The following PLCH2 variants were observed in gnomAD, a reference collection of about 807,000 sequenced individuals.
PLCH2 encodes the protein 1-phosphatidylinositol 4,5-bisphosphate phosphodiesterase eta-2.
A neutral mutation model predicts 134.7 loss-of-function variants in PLCH2; 98 were observed. That is an observed-to-expected ratio of 0.73 (90% CI 0.62 to 0.86). The LOEUF (loss-of-function observed/expected upper bound fraction) is 0.86, where lower values mean the gene tolerates loss of function less well. Among genes scored for constraint, PLCH2 ranks in the 40% least tolerant of loss-of-function variants. PLCH2 has a pLI of 0.00. For missense variants in PLCH2, 1,994 were observed against 1,986.6 expected, an observed-to-expected ratio of 1.00 and a Z score of -0.07; for synonymous variants, 974 against 827.5, an observed-to-expected ratio of 1.18 and a Z score of -3.04.
At chr1:2,484,426 G>C in intron 4 of PLCH2, 22 bp from the exon 5 acceptor site, 1 of 1,612,106 alleles carries the variant, frequency 6.2e-7, no homozygotes, top group Non-Finnish European at 8.5e-7. Flanking sequence ...TGCCAATGGG[G>C]ACCCAAGGCC....
rs1004560854 is a variant in PLCH2 at position 2,440,147 on chromosome 1, G to A, written c.115+9518G>A. On this transcript the variant is annotated intron_variant, in intron 2 of 3. Coordinates refer to the PLCH2 transcript ENST00000609981. ...GTGCCAGGCTGAGGGGTCCGATGTA[G>A]CCTGTGGTCCAGCTGCAGGGGTGGG... Among the ~76,000 whole-genome samples the A allele has an allele frequency of 7.9e-5, 12 of 152,332 alleles. No homozygotes were observed. In the Middle Eastern group the frequency reaches 0.01, roughly 130 times the overall value.
At chr1:2,420,519 A>C in the PLCH2 span, among the ~76,000 whole-genome samples, 4 of 152,122 alleles carry the variant, frequency 2.6e-5, no homozygotes, top group African/African-American at 9.7e-5. Context: ...AGGGCTGGGG[A>C]GTCCCGGAGC....
chr1:2,489,273 T>C lies in PLCH2; in HGVS notation c.1302T>C (p.Tyr434=). The C allele has an allele frequency of 6.2e-7, 1 of 1,613,894 alleles. No individual in the cohort carries two copies. Among genetic ancestry groups the C allele is most frequent in the Non-Finnish European group, 8.5e-7 (1 of 1,179,870 alleles). ...TCCAGCAGAAGAAAATGGCCCAGTA[T>C]CTGACTGACATCCTTGGGGACAAGC... is the stretch of plus-strand genomic sequence containing the variant. ...SVIQQKKMAQ[Y]LTDILGDKLD... is the part of the protein sequence containing the mutation. The change falls in exon 9 of 22, where the codon TAT becomes TAC. Residue 434 remains tyrosine (Y), a synonymous_variant. Coordinates refer to ENST00000378486, the MANE Select transcript of PLCH2 (RefSeq NM_014638.4).
Position 2,504,549 on chromosome 1 carries a change from C to T in PLCH2, c.3587C>T (p.Pro1196Leu), listed in dbSNP as rs760153479. ...TCGGCTGCCCGCCCAGACCTGCCAC[C>T]TGTGACCAAGAGCAAATCCAACCCC... ...SASAARPDLP[P>L]VTKSKSNPNL... is the part of the protein sequence containing the mutation. The change falls in exon 22 of 22, where the codon CCT (proline) becomes CTT (leucine). Residue 1196 changes from proline (P) to leucine (L), a missense_variant. Around this residue, in one of 2 missense-constraint regions of PLCH2, gnomAD observed 900 missense variants for 752.3 expected, o/e 1.20. Coordinates refer to ENST00000378486, the MANE Select transcript of PLCH2 (RefSeq NM_014638.4). 4.0e-5 allele frequency: 64 copies of T among 1,612,696 alleles called. 1 individual carries two copies. The South Asian group carries it at 6.8e-4, about 17-fold the overall frequency.
chr1:2,497,439 T>TGGGGGGGGGG, intron 15 of PLCH2, 63 bp from the exon 16 acceptor site: 10 of 955,042 alleles, frequency 1.0e-5, no homozygotes, highest in East Asian at 4.5e-5. Context: ...TGGTGGTGGG[T>TGGGGGGGGGG]GGGCGGGGCA....
chr1:2,432,940 G>A lies in PLCH2; in HGVS notation c.115+2311G>A, dbSNP rs895796519. Among the ~76,000 whole-genome samples, 143 of 152,318 alleles carry A rather than the reference G, an allele frequency of 9.4e-4. 1 individual carries two copies. The highest frequency in any genetic ancestry group is 3.4e-3 in the African/African-American group (141 of 41,564). On this transcript the variant is annotated intron_variant, in intron 2 of 3. Transcript: ENST00000609981. ...TCTCTTCCCGGTGCACACACGGGCT[G>A]GGTGGAAGAACCTGGGCACCCTGCC...
intron 10 of PLCH2, among the ~76,000 whole-genome samples, chr1:2,490,385 C>T (rs1415698693): frequency 2.6e-5 from 4 of 152,210 alleles, no homozygotes; most frequent in Admixed American, 2.6e-4. Context: ...GTCCCACCAG[C>T]AGTCACCTCC....
rs570939495 is a variant in PLCH2 at position 2,495,632 on chromosome 1, C to T, written c.1835+62C>T. Reference sequence around the variant, plus strand: ...CCTGGGAGCCTGGCCCAACCGGGCCCTTCTCTGCGGTGACCCCACCAGGAC... The same window carrying T: ...CCTGGGAGCCTGGCCCAACCGGGCCTTTCTCTGCGGTGACCCCACCAGGAC... On this transcript the variant is annotated intron_variant, in intron 13 of 21. Transcript: ENST00000378486. The T allele has an allele frequency of 1.3e-4, 168 of 1,252,174 alleles. No homozygotes were observed. In the African/African-American group the frequency reaches 1.9e-3, roughly 14 times the overall value. The allele number at this position is 1,252,174 out of a possible 1,614,324, so 77.6% of individuals were successfully genotyped here. A position where few individuals can be genotyped will look rare whatever the true frequency, so the allele number is the denominator to read the frequency against.
chr1:2,498,939 C>A lies in PLCH2; in HGVS notation c.2434+111C>A. ...GCCCAGGCCTCCCTCAGTGACAGTC[C>A]TGGGCGCCCTCCCCTCTAGGTGGGC... On this transcript the variant is annotated intron_variant, in intron 18 of 21. Transcript: ENST00000378486. The surrounding 1 kb of genome is among the most constrained non-coding windows in gnomAD (Gnocchi z 5.4). The A allele has an allele frequency of 1.5e-6, 2 of 1,349,368 alleles. No individual in the cohort carries two copies. Among genetic ancestry groups the A allele is most frequent in the Non-Finnish European group, 2.1e-6 (2 of 970,414 alleles). 83.6% of individuals were successfully genotyped at this position (1,349,368 alleles called of 1,614,324 possible).
At chr1:2,489,667 C>A in intron 9 of PLCH2, 93 bp from the exon 10 acceptor site, 1 of 1,019,972 alleles carries the variant, frequency 9.8e-7, no homozygotes, top group Non-Finnish European at 1.5e-6. Flanking sequence ...AGAAAAGGCC[C>A]CTCTCCTTGG....
chr1:2,473,985 G>A (rs1048143231), upstream of PLCH2, among the ~76,000 whole-genome samples: 3 of 152,348 alleles, frequency 2.0e-5, no homozygotes, highest in East Asian at 5.8e-4. Context: ...GTGGACCATG[G>A]CTGAGGGCTG....
intron 13 of PLCH2, 83 bp from the exon 14 acceptor site, chr1:2,496,524 C>A (rs562669122): frequency 2.6e-6 from 3 of 1,146,780 alleles, no homozygotes; most frequent in Non-Finnish European, 3.8e-6. Flanking sequence ...TGAGGCTGCC[C>A]GAGCCCTGGA....
At chr1:2,503,876 T>C (rs928787745) in intron 21 of PLCH2, 46 bp from the exon 22 acceptor site, 17 of 681,550 alleles carry the variant, frequency 2.5e-5, no homozygotes, top group Admixed American at 1.7e-4. Context: ...CTCTCTCTCT[T>C]CTGCTTCTCC....
exon 1 of PLCH2, chr1:2,467,604 T>C (rs931835692): frequency 2.4e-6 from 1 of 410,310 alleles, no homozygotes; most frequent in African/African-American, 2.0e-5. Flanking sequence ...GTAACTGGGA[T>C]TGGCACCCGC....
rs1264472140 is a variant in PLCH2 at position 2,478,591 on chromosome 1, G to A, written c.240G>A (p.Trp80Ter). The A allele has an allele frequency of 6.2e-7, 1 of 1,611,976 alleles. No individual in the cohort carries two copies. The highest frequency in any genetic ancestry group is 1.1e-5 in the South Asian group (1 of 90,876). The change falls in exon 2 of 22, where the codon TGG becomes TGA. Residue 80 changes from tryptophan (W) to a stop codon, truncating the protein, a stop_gained. Coordinates refer to ENST00000378486, the MANE Select transcript of PLCH2 (RefSeq NM_014638.4). LOFTEE classifies it high-confidence loss of function. ...ACGAGCACCGCTCCTGCATCCGCTG[G>A]AGGCCCTCACGCAAGAACGAGAAGG... ...YLDEHRSCIRWRPSRKNEKAK... is the reference protein window; with the variant it reads ...YLDEHRSCIR
Position 2,489,780 on chromosome 1 carries a change from C to T in PLCH2, c.1428C>T (p.Asn476=). 1.2e-6 allele frequency: 2 copies of T among 1,613,614 alleles called. No individual in the cohort carries two copies. The highest frequency in any genetic ancestry group is 2.2e-5 in the East Asian group (1 of 44,888). Residue 476 remains asparagine, a synonymous_variant, in exon 10 of 22, where the codon AAC becomes AAT. Transcript: ENST00000378486. ...CCCAGGGGAAGAAGCTCCCAGCCAA[C>T]ATCAGCGAGGATGCGGAGGAAGGCG... ...ILVKGKKLPA[N]ISEDAEEGEV... is the part of the protein sequence containing the mutation.
At position 2,479,834 on chromosome 1, in the gene PLCH2, C is replaced by T. The variant is rs1170511685; in HGVS notation, c.372C>T (p.Ile124=). 2 of 1,608,486 alleles carry T rather than the reference C, an allele frequency of 1.2e-6. No homozygotes were observed. Among genetic ancestry groups the T allele is most frequent in the East Asian group, 4.5e-5 (2 of 44,712 alleles). Residue 124 remains isoleucine (I), a synonymous_variant, in exon 3 of 22, where the codon ATC becomes ATT. Coordinates refer to ENST00000378486, the MANE Select transcript of PLCH2 (RefSeq NM_014638.4). The part of the protein sequence containing the change: ...GSFDPNCCFS[I]YHGSHRESLD... Reference sequence around the variant, plus strand: ...TCGACCCCAACTGCTGCTTCAGCATCTACCACGGCAGCCACCGCGAGTCGC... The same window carrying T: ...TCGACCCCAACTGCTGCTTCAGCATTTACCACGGCAGCCACCGCGAGTCGC...
chr1:2,457,782 C>T (rs774962711), intron 2 of PLCH2, among the ~76,000 whole-genome samples: 7 of 151,848 alleles, frequency 4.6e-5, no homozygotes, highest in Non-Finnish European at 8.8e-5. Context: ...TGAACCATCC[C>T]GGTCCCAGGA....
At chr1:2,419,963 C>T in the PLCH2 span, among the ~76,000 whole-genome samples, 1 of 93,106 alleles carries the variant, frequency 1.1e-5, no homozygotes, top group African/African-American at 3.5e-5. Flanking sequence ...CAGGCCAAGT[C>T]CCCCCCCCAC....
Sources: gnomAD v4.1 joint callset for allele counts (sites outside exome capture counted in the v4.1 genomes callset) on GRCh38, gnomAD v4.1.1 for gene constraint, gnomAD v4.1.1 regional missense constraint, Gnocchi (gnomAD v3.1) non-coding constraint, MANE v1.5 for transcripts, NCBI Gene and HGNC (gene_info 2026-07-23, HGNC 2026-07-21) for gene names.